The following FAM3D variants were observed in gnomAD, a reference collection of about 807,000 sequenced individuals.
FAM3D encodes protein FAM3D.
Under a neutral mutation model 29.8 loss-of-function variants are expected in FAM3D, and 26 were observed. That is an observed-to-expected ratio of 0.87 (90% CI 0.64 to 1.21). The LOEUF (loss-of-function observed/expected upper bound fraction) is 1.21, where lower values mean the gene tolerates loss of function less well. Ranked by LOEUF, FAM3D falls within the 50% of genes most tolerant of loss-of-function variation. FAM3D has a pLI of 0.00. For missense variants in FAM3D, 253 were observed against 290.9 expected, an observed-to-expected ratio of 0.87 and a Z score of 0.95; for synonymous variants, 115 against 102.3, an observed-to-expected ratio of 1.12 and a Z score of -0.75.
chr3:58,661,035 G>GT (rs1392297520), intron 1 of FAM3D, among the ~76,000 whole-genome samples: 2 of 152,202 alleles, frequency 1.3e-5, no homozygotes, highest in African/African-American at 4.8e-5. Context: ...TTGGCAGGCC[G>GT]TATGTTCTGT....
rs2066147703 is a variant in FAM3D at position 58,635,757 on chromosome 3, A to C, written c.585+537T>G. Among the ~76,000 whole-genome samples the C allele has an allele frequency of 6.6e-6, 1 of 152,190 alleles. No homozygotes were observed. Among genetic ancestry groups the C allele is most frequent in the Non-Finnish European group, 1.5e-5 (1 of 68,028 alleles). ...CAAGACCACATTTTCTAGCTTAGGA[A>C]AGAAATCCTCCCATCCCAGTCCTGG... On this transcript the variant is annotated intron_variant, in intron 9 of 9. Coordinates refer to ENST00000358781, the MANE Select transcript of FAM3D (RefSeq NM_138805.3). The surrounding 1 kb of genome is among the most constrained non-coding windows in gnomAD (Gnocchi z 5.2).
chr3:58,648,463 C>G (rs1343244039), intron 4 of FAM3D, among the ~76,000 whole-genome samples: 1 of 151,988 alleles, frequency 6.6e-6, no homozygotes, highest in East Asian at 1.9e-4. Flanking sequence ...GGGGGTTTGA[C>G]TTCTGCCTCA....
chr3:58,657,624 A>C (rs950057155), intron 1 of FAM3D: 1 of 152,354 alleles, frequency 6.6e-6, no homozygotes, highest in East Asian at 1.9e-4. Flanking sequence ...GTCAGTCCCC[A>C]TTGGGCGGTG....
intron 6 of FAM3D, among the ~76,000 whole-genome samples, chr3:58,641,568 C>T (rs908850414): frequency 3.3e-5 from 5 of 152,062 alleles, no homozygotes; most frequent in African/African-American, 9.7e-5. Context: ...GGGTGGTTCA[C>T]TGTTACTCAG....
At chr3:58,654,809 C>T (rs549982913) in intron 2 of FAM3D, among the ~76,000 whole-genome samples, 1 of 152,246 alleles carries the variant, frequency 6.6e-6, no homozygotes, top group South Asian at 2.1e-4. Context: ...TGTGGGGATC[C>T]CTGGTCTTCA....
At chr3:58,639,755 T>C (rs1456121047) in intron 7 of FAM3D, among the ~76,000 whole-genome samples, 3 of 152,270 alleles carry the variant, frequency 2.0e-5, no homozygotes, top group African/African-American at 7.2e-5. Context: ...AGCACACTCC[T>C]AGCTCTGCGG....
At chr3:58,643,751 C>A in intron 5 of FAM3D, 31 bp from the exon 6 acceptor site, 1 of 1,609,614 alleles carries the variant, frequency 6.2e-7, no homozygotes, top group Non-Finnish European at 8.5e-7. Context: ...ATATGACAGT[C>A]GGTCCCGAGT....
intron 6 of FAM3D, among the ~76,000 whole-genome samples, chr3:58,641,568 C>A (rs908850414): frequency 1.3e-5 from 2 of 152,062 alleles, no homozygotes; most frequent in Non-Finnish European, 2.9e-5. Flanking sequence ...GGGTGGTTCA[C>A]TGTTACTCAG....
chr3:58,659,256 C>T (rs187625776), intron 1 of FAM3D, among the ~76,000 whole-genome samples: 32 of 152,288 alleles, frequency 2.1e-4, no homozygotes, highest in Admixed American at 1.2e-3. Context: ...CTCCAGGGCA[C>T]GATTCCTATA....
chr3:58,658,762 C>T (rs1357585367), intron 1 of FAM3D, among the ~76,000 whole-genome samples: 2 of 152,166 alleles, frequency 1.3e-5, no homozygotes, highest in African/African-American at 4.8e-5. Flanking sequence ...CCAGACTTTT[C>T]CCTGCAATTG....
chr3:58,648,011 A>C (rs563170018), intron 4 of FAM3D, among the ~76,000 whole-genome samples: 3 of 152,320 alleles, frequency 2.0e-5, no homozygotes, highest in African/African-American at 7.2e-5. Flanking sequence ...CTTAATGATA[A>C]ATCTCTCAAG....
chr3:58,636,356 A>C lies in FAM3D; in HGVS notation c.523T>G (p.Phe175Val). Residue 175 changes from phenylalanine (F) to valine (V), a missense_variant, in exon 9 of 10, where the codon TTC becomes GTC. Phe to Val is a conservative substitution (Grantham distance 50). Transcript: ENST00000358781. The stretch of plus-strand genomic sequence containing the variant: ...CCTATGAAGACCCAGCTGTCCCGGA[A>C]GCCCAGTTGTTTTGCGTAGGAACTC... The part of the protein sequence containing the change: ...LGSSYAKQLG[F>V]RDSWVFIGAK... 1 of 1,614,218 alleles carries C rather than the reference A, an allele frequency of 6.2e-7. No individual in the cohort carries two copies.
In FAM3D at chr3:58,634,301, C is replaced by T. The variant is rs373301188; in HGVS notation, c.653G>A (p.Cys218Tyr). ...GWPELLEMEG[C>Y]MPPKPF ...ACCCTAAAATGGCTTCGGGGGCATG[C>T]AGCCCTCCATCTCCAGCAGCTCTGG... The change falls in exon 10 of 10, where the codon TGC becomes TAC. Residue 218 changes from cysteine to tyrosine, a missense_variant. Physicochemically the swap from Cys to Tyr is radical, Grantham distance 194. Transcript: ENST00000358781. This position sits in a 1 kb window ranked among gnomAD's most constrained non-coding sequence, Gnocchi z 4.6. 5.6e-6 allele frequency: 9 copies of T among 1,613,832 alleles called. No homozygotes were observed. Among genetic ancestry groups the T allele is most frequent in the African/African-American group, 1.3e-5 (1 of 74,930 alleles).
intron 1 of FAM3D, among the ~76,000 whole-genome samples, chr3:58,666,224 G>A (rs1288724087): frequency 1.3e-5 from 2 of 152,190 alleles, no homozygotes; most frequent in African/African-American, 2.4e-5. Flanking sequence ...ACCCTGCAGT[G>A]TGGGTTATCA....
chr3:58,656,100 C>G (rs1280061238), intron 1 of FAM3D, among the ~76,000 whole-genome samples: 1 of 152,156 alleles, frequency 6.6e-6, no homozygotes, highest in Non-Finnish European at 1.5e-5. Flanking sequence ...TTCCTTCCTA[C>G]CAGCCAGCCA....
At chr3:58,652,172 A>G (rs1029182458) in intron 3 of FAM3D, among the ~76,000 whole-genome samples, 1 of 152,152 alleles carries the variant, frequency 6.6e-6, no homozygotes, top group Non-Finnish European at 1.5e-5. Flanking sequence ...TTCTTGTTCT[A>G]ATATCTCCAA....
intron 1 of FAM3D, among the ~76,000 whole-genome samples, chr3:58,655,858 G>C (rs1394941612): frequency 6.6e-6 from 1 of 152,148 alleles, no homozygotes; most frequent in African/African-American, 2.4e-5. Flanking sequence ...GTAGAGGAAG[G>C]TGTAGTCTGG....
chr3:58,647,955 C>T (rs1490702873), intron 4 of FAM3D, among the ~76,000 whole-genome samples: 1 of 152,234 alleles, frequency 6.6e-6, no homozygotes, highest in African/African-American at 2.4e-5. Context: ...TCAGGGTTGT[C>T]AAACAGGTTT....
intron 5 of FAM3D, 50 bp from the exon 6 acceptor site, chr3:58,643,770 A>ATTCC: frequency 1.3e-6 from 2 of 1,543,738 alleles, no homozygotes; most frequent in African/African-American, 1.4e-5. Context: ...GTGTGGAATG[A>ATTCC]ACACTCTGCT....
Sources: gnomAD v4.1 joint callset for allele counts (sites outside exome capture counted in the v4.1 genomes callset) on GRCh38, gnomAD v4.1.1 for gene constraint, Gnocchi (gnomAD v3.1) non-coding constraint, MANE v1.5 for transcripts, NCBI Gene and HGNC (gene_info 2026-07-23, HGNC 2026-07-21) for gene names.